Variants in ABCA4 observed in about 807,000 individuals in gnomAD.
ABCA4 encodes retinal-specific phospholipid-transporting ATPase ABCA4.
In ABCA4, 196 loss-of-function variants were observed where a neutral mutation model predicts 263.7. The ratio of observed to expected loss-of-function variants is 0.74; its 90% CI spans 0.66 to 0.84. The LOEUF is 0.84. Ranked by LOEUF, ABCA4 falls within the 40% of genes least tolerant of loss-of-function variation. The probability of loss-of-function intolerance (pLI) is 0.00; values close to 1 mark genes in which losing one functional copy is unlikely to be tolerated. For missense variants in ABCA4, 2,792 were observed against 2,855.1 expected (o/e 0.98, Z 0.50); for synonymous variants, 1,133 against 1,094.2 (o/e 1.04, Z -0.70).
At chr1:94,112,001 T>C (rs773619602) in intron 2 of ABCA4, among the ~76,000 whole-genome samples, 5 of 152,184 alleles carry the variant, frequency 3.3e-5, no homozygotes, top group Non-Finnish European at 7.3e-5. Flanking sequence ...CTGCAGGTTA[T>C]GGGCTCCTCG....
Position 94,001,969 on chromosome 1 carries a change from G to C in ABCA4, c.6171C>G (p.Ser2057Arg). 6.2e-7 allele frequency: 1 copy of C among 1,614,180 alleles called. No homozygotes were observed. Among genetic ancestry groups the C allele is most frequent in the Non-Finnish European group, 8.5e-7 (1 of 1,180,042 alleles). Reference sequence around the variant, plus strand: ...AGTCGGCGTAGACAGTCAGGCCCAGGCTCTTAATACTCCAGTTTGCAACCT... The same window carrying C: ...AGTCGGCGTAGACAGTCAGGCCCAGCCTCTTAATACTCCAGTTTGCAACCT... ...IEKVANWSIK[S>R]LGLTVYADCL... Residue 2057 changes from serine to arginine, a missense_variant, in exon 45 of 50, where the codon AGC (serine) becomes AGG (arginine). Ser to Arg is a moderately radical substitution (Grantham distance 110). Coordinates refer to ENST00000370225, the MANE Select transcript of ABCA4 (RefSeq NM_000350.3).
chr1:94,115,902 T>C (rs1297279856), intron 1 of ABCA4, among the ~76,000 whole-genome samples: 1 of 152,130 alleles, frequency 6.6e-6, no homozygotes, highest in African/African-American at 2.4e-5. Flanking sequence ...TGGTGCTTGC[T>C]AAGAAACCAG....
intron 1 of ABCA4, 49 bp downstream of exon 1, chr1:94,120,931 G>T: frequency 9.6e-7 from 1 of 1,036,970 alleles, no homozygotes. Context: ...CTTCCAACCT[G>T]TTTATTTGCT....
intron 36 of ABCA4, among the ~76,000 whole-genome samples, chr1:94,018,800 C>T (rs142581648): frequency 7.9e-5 from 12 of 152,128 alleles, no homozygotes; most frequent in East Asian, 5.8e-4. Flanking sequence ...TAATAGGGTA[C>T]GCTATCCTGA....
chr1:94,052,608 A>G (rs1346332219), intron 16 of ABCA4, among the ~76,000 whole-genome samples: 2 of 152,230 alleles, frequency 1.3e-5, no homozygotes, highest in African/African-American at 4.8e-5. Flanking sequence ...TTCAATTTTA[A>G]TCAACTAATT....
rs145345131 is a variant in ABCA4 at position 94,006,390 on chromosome 1, T to G, written c.6006-808A>C. 2.1e-3 allele frequency among the ~76,000 whole-genome samples: 327 copies of G among 152,346 alleles called. 4 individuals are homozygous for G. Among genetic ancestry groups the G allele is most frequent in the African/African-American group, 7.5e-3 (311 of 41,574 alleles). On this transcript the variant is annotated intron_variant, in intron 43 of 49. Coordinates refer to ENST00000370225, the MANE Select transcript of ABCA4 (RefSeq NM_000350.3). ...CAATTCTGTGTCTTAAGCCTATAGT[T>G]TCTTTCTAGCGTCCAGCTCAGTTTT...
chr1:94,086,493 C>T (rs1661830612), intron 6 of ABCA4, among the ~76,000 whole-genome samples: 1 of 151,144 alleles, frequency 6.6e-6, no homozygotes, highest in African/African-American at 2.4e-5. Context: ...TTTACTAATT[C>T]AATTAATCGT....
At chr1:94,064,837 G>T (rs1190449827) in intron 11 of ABCA4, among the ~76,000 whole-genome samples, 2 of 152,106 alleles carry the variant, frequency 1.3e-5, no homozygotes, top group African/African-American at 2.4e-5. Context: ...AAGACCAGGG[G>T]AGTTCTGGGC....
Position 94,023,373 on chromosome 1 carries a change from A to G in ABCA4, c.4667+13T>C. On this transcript the variant is annotated intron_variant, in intron 32 of 49. Transcript: ENST00000370225. ...AATCTGAGATTTTAATTCTGATAAA[A>G]ATAGTTTCTTACCTCTGTTCATTGA... 6.3e-7 allele frequency: 1 copy of G among 1,597,794 alleles called. No individual in the cohort carries two copies. The highest frequency in any genetic ancestry group is 8.6e-7 in the Non-Finnish European group (1 of 1,165,686).
At chr1:94,001,285 C>T (rs1011528659) in intron 45 of ABCA4, among the ~76,000 whole-genome samples, 180 bp from the exon 46 acceptor site, 9 of 152,146 alleles carry the variant, frequency 5.9e-5, no homozygotes, top group African/African-American at 2.2e-4. Flanking sequence ...GAGGTGGATC[C>T]AAGAGTAAAG....
chr1:94,113,701 A>G (rs972528292), intron 1 of ABCA4, among the ~76,000 whole-genome samples: 1 of 152,264 alleles, frequency 6.6e-6, no homozygotes, highest in African/African-American at 2.4e-5. Context: ...TTGCAAAGCC[A>G]ACAAAAATCT....
Position 94,108,565 on chromosome 1 carries a change from A to T in ABCA4, c.442+12T>A. On this transcript the variant is annotated intron_variant, in intron 4 of 49. Coordinates refer to ENST00000370225, the MANE Select transcript of ABCA4 (RefSeq NM_000350.3). Reference sequence around the variant, plus strand: ...GGGAAATGATGCTTGAGAGCACTGCAGTCATGCTTACCTGCAATTCTCTCC... The same window carrying T: ...GGGAAATGATGCTTGAGAGCACTGCTGTCATGCTTACCTGCAATTCTCTCC... 2 of 1,613,264 alleles carry T rather than the reference A, an allele frequency of 1.2e-6. No homozygotes were observed. Among genetic ancestry groups the T allele is most frequent in the Non-Finnish European group, 1.7e-6 (2 of 1,179,860 alleles).
At chr1:94,062,302 G>T (rs1480540231) in intron 13 of ABCA4, among the ~76,000 whole-genome samples, 2 of 152,084 alleles carry the variant, frequency 1.3e-5, no homozygotes, top group South Asian at 2.1e-4. Context: ...CCCTCCCCCA[G>T]CCTCACTTTC....
At chr1:94,025,637 C>G (rs567789045) in intron 30 of ABCA4, 12 of 168,034 alleles carry the variant, frequency 7.1e-5, no homozygotes, top group Middle Eastern at 3.1e-3. Flanking sequence ...GCTGTTCACT[C>G]TGCCTGGGAA....
Position 94,031,081 on chromosome 1 carries a change from G to A in ABCA4, c.4168C>T (p.Leu1390Phe). 6.2e-7 allele frequency: 1 copy of A among 1,614,144 alleles called. No homozygotes were observed. The highest frequency in any genetic ancestry group is 8.5e-7 in the Non-Finnish European group (1 of 1,180,012). ...PATFVFLALM[L>F]SIVIPPFGEY... ...CCAAAAGGAGGGATAACAATAGAAA[G>A]CATCAGAGCCAAAAACACAAAGGTA... Residue 1390 changes from leucine (L) to phenylalanine (F), a missense_variant, in exon 28 of 50, where the codon CTT becomes TTT. By Grantham distance (22) the Leu-to-Phe change is conservative (BLOSUM62 0). Transcript: ENST00000370225.
At position 94,044,653 on chromosome 1, in the gene ABCA4, T is replaced by C. The variant is rs1007214776; in HGVS notation, c.3010A>G (p.Ser1004Gly). 2 of 1,614,192 alleles carry C rather than the reference T, an allele frequency of 1.2e-6. No homozygotes were observed. Among genetic ancestry groups the C allele is most frequent in the Non-Finnish European group, 1.7e-6 (2 of 1,180,042 alleles). Reference sequence around the variant, plus strand: ...TTGTGCTGTGGACACATGCCAAGGCTCTGCCGGACTGCATCCAGGCTGGTT... The same window carrying C: ...TTGTGCTGTGGACACATGCCAAGGCCCTGCCGGACTGCATCCAGGCTGGTT... The part of the protein sequence containing the change: ...IETSLDAVRQ[S>G]LGMCPQHNIL... Residue 1004 changes from serine to glycine, a missense_variant, in exon 20 of 50, where the codon AGC becomes GGC. By Grantham distance (56) the Ser-to-Gly change is moderately conservative. Coordinates refer to ENST00000370225, the MANE Select transcript of ABCA4 (RefSeq NM_000350.3).
intron 43 of ABCA4, 86 bp from the exon 44 acceptor site, chr1:94,005,668 G>A (rs1410903218): frequency 1.8e-5 from 25 of 1,376,364 alleles, no homozygotes; most frequent in South Asian, 1.5e-4. Context: ...TTCTGCCAAC[G>A]GGAAAAGGAA....
rs1157789971 is a variant in ABCA4, at chr1:94,045,814, G to A, written c.2919-1070C>T. The A allele has an allele frequency of 2.4e-5, 11 of 456,134 alleles. No individual in the cohort carries two copies. The East Asian group carries it at 6.9e-4, about 29-fold the overall frequency. The allele number at this position is 456,134 out of a possible 1,614,324, so 28.3% of individuals were successfully genotyped here. ...GTACACGCTGTTGTTCCTTCCTGGG[G>A]CTCTCCAAAGGACTTGAAGACTGTG... On this transcript the variant is annotated intron_variant, in intron 19 of 49. Transcript: ENST00000370225.
chr1:94,065,762 C>T (rs908445638), intron 11 of ABCA4, among the ~76,000 whole-genome samples: 7 of 152,102 alleles, frequency 4.6e-5, no homozygotes, highest in South Asian at 2.1e-4. Context: ...AGTGACACCA[C>T]GCTGATGAGA....
Sources: allele counts gnomAD v4.1 joint callset (sites outside exome capture counted in the v4.1 genomes callset), GRCh38; gene constraint gnomAD v4.1.1; transcripts MANE v1.5; gene names NCBI Gene and HGNC (gene_info 2026-07-23, HGNC 2026-07-21).